The following CORO7 variants were observed in gnomAD, a reference collection of about 807,000 sequenced individuals.
CORO7 encodes the protein coronin-7.
CORO7 carries 107 observed loss-of-function variants against 126.6 expected under a neutral mutation model. That is an observed-to-expected ratio of 0.85 (90% CI 0.72 to 0.99). The LOEUF is 0.99. Among genes scored for constraint, CORO7 ranks in the 50% least tolerant of loss-of-function variants. The pLI is 0.00. For missense variants in CORO7, 1,314 were observed against 1,255.8 expected (o/e 1.05, Z -0.70); for synonymous variants, 603 against 536.8 (o/e 1.12, Z -1.70).
intron 3 of CORO7, among the ~76,000 whole-genome samples, chr16:4,410,844 T>C (rs533721283): frequency 1.8e-4 from 28 of 152,324 alleles, no homozygotes; most frequent in African/African-American, 6.5e-4. Context: ...CCACAGACTA[T>C]ACATCAATGA....
At chr16:4,389,591 C>T (rs954137208) in intron 7 of CORO7, among the ~76,000 whole-genome samples, 2 of 152,200 alleles carry the variant, frequency 1.3e-5, no homozygotes, top group Non-Finnish European at 2.9e-5. Flanking sequence ...CTCCAGGTCC[C>T]GTCCTTCGAG....
intron 6 of CORO7, 118 bp from the exon 7 acceptor site, chr16:4,395,457 G>A (rs2055549960): frequency 3.7e-6 from 5 of 1,362,694 alleles, no homozygotes; most frequent in Non-Finnish European, 5.1e-6. Context: ...CAGCACGCAG[G>A]GCTGCCATCA....
intron 9 of CORO7, chr16:4,381,297 G>T: frequency 6.2e-7 from 1 of 1,612,358 alleles, no homozygotes; most frequent in South Asian, 1.1e-5. Context: ...GCCACATCCA[G>T]CCTGGTGCCT....
At chr16:4,408,111 C>T (rs754515366) in intron 4 of CORO7, 70 bp downstream of exon 4, 76 of 1,608,528 alleles carry the variant, frequency 4.7e-5, no homozygotes, top group Non-Finnish European at 6.1e-5. Context: ...GTGGGGATGG[C>T]GCTGGGGCTC....
intron 7 of CORO7, 33 bp downstream of exon 7, chr16:4,395,256 T>G (rs759334352): frequency 6.2e-7 from 1 of 1,613,834 alleles, no homozygotes; most frequent in South Asian, 1.1e-5. Context: ...CAGTGGAGGC[T>G]TCAACCCACC....
chr16:4,383,128 G>A, intron 9 of CORO7: 3 of 536,496 alleles, frequency 5.6e-6, no homozygotes, highest in Middle Eastern at 1.0e-3. Context: ...GTGCCTATGA[G>A]GACAGTGTCC....
chr16:4,361,779 C>G, intron 16 of CORO7: 1 of 921,602 alleles, frequency 1.1e-6, no homozygotes, highest in Non-Finnish European at 1.7e-6. Context: ...GGTCACTAAA[C>G]CTCTCTGTGC....
In CORO7 at chr16:4,355,325, G is replaced by T. The variant is rs574842062; in HGVS notation, c.2733C>A (p.Leu911=). The change falls in exon 27 of 28, where the codon CTC becomes CTA. Residue 911 remains leucine, a synonymous_variant. Coordinates refer to ENST00000251166, the MANE Select transcript of CORO7 (RefSeq NM_024535.5). The part of the protein sequence containing the change: ...VAKLGNREDP[L]PQDSFEGVDE... ...CCACGCCTTCAAAGGAGTCCTGGGG[G>T]AGTGGGTCCTCCCGGTTCCCCAGTT... 3.7e-6 allele frequency: 6 copies of T among 1,613,156 alleles called. No individual in the cohort carries two copies. The highest frequency in any genetic ancestry group is 5.1e-6 in the Non-Finnish European group (6 of 1,179,978).
intron 8 of CORO7, 27 bp from the exon 9 acceptor site, chr16:4,388,095 A>C: frequency 6.2e-7 from 1 of 1,601,120 alleles, no homozygotes; most frequent in Non-Finnish European, 8.5e-7. Flanking sequence ...AGAGGGGCTC[A>C]GAGGGGCCTG....
intron 26 of CORO7, 43 bp from the exon 27 acceptor site, chr16:4,355,415 TC>T: frequency 1.9e-6 from 3 of 1,555,396 alleles, no homozygotes; most frequent in Non-Finnish European, 2.6e-6. Context: ...GGAATAGGAC[TC>T]CCTGTTCCCT....
At chr16:4,416,328 G>T (rs915775760) in intron 1 of CORO7, 131 bp downstream of exon 1, 8 of 1,280,716 alleles carry the variant, frequency 6.2e-6, no homozygotes, top group Middle Eastern at 2.8e-4. Flanking sequence ...GGCCTGAAGG[G>T]GGGTTCCCCG....
In CORO7 at chr16:4,364,417, C is replaced by A; in HGVS notation, c.1138-4G>T. 6.7e-7 allele frequency: 1 copy of A among 1,500,422 alleles called. No homozygotes were observed. Among genetic ancestry groups the A allele is most frequent in the Non-Finnish European group, 8.9e-7 (1 of 1,127,080 alleles). The allele number at this position is 1,500,422 out of a possible 1,614,324, so 92.9% of individuals were successfully genotyped here. The stretch of plus-strand genomic sequence containing the variant: ...GGTTGAGGCTGACCTTCTGCACCTG[C>A]ATGGAGGCCGGCAGTGGGGAGATGG... On this transcript the variant is annotated splice_polypyrimidine_tract_variant and splice_region_variant and intron_variant, in intron 13 of 27. Transcript: ENST00000251166.
chr16:4,397,058 T>G (rs973093204), intron 6 of CORO7, among the ~76,000 whole-genome samples: 3 of 151,240 alleles, frequency 2.0e-5, no homozygotes, highest in African/African-American at 7.3e-5. Context: ...ACAACATCAT[T>G]TGCACCAGTA....
intron 6 of CORO7, among the ~76,000 whole-genome samples, chr16:4,398,773 G>C (rs894546288): frequency 3.3e-5 from 5 of 151,684 alleles, no homozygotes; most frequent in African/African-American, 1.2e-4. Context: ...TTCAAGACCA[G>C]TGTGGCCAAC....
chr16:4,374,068 G>C (rs1046623535), intron 9 of CORO7, among the ~76,000 whole-genome samples: 1 of 150,044 alleles, frequency 6.7e-6, no homozygotes, highest in Non-Finnish European at 1.5e-5. Context: ...TGAGTTCTTG[G>C]AGAAGGGGGA....
chr16:4,413,301 T>C lies in CORO7; in HGVS notation c.157+7A>G, dbSNP rs1183062832. Reference sequence around the variant, plus strand: ...AGCAAATATCCACACTCATGGCCATTCCCTACCAGGACGGTCGGAGTTGAA... The same window carrying C: ...AGCAAATATCCACACTCATGGCCATCCCCTACCAGGACGGTCGGAGTTGAA... On this transcript the variant is annotated splice_region_variant and intron_variant, in intron 2 of 27. Transcript: ENST00000251166. 27 of 1,569,550 alleles carry C rather than the reference T, an allele frequency of 1.7e-5. No individual in the cohort carries two copies. The highest frequency in any genetic ancestry group is 2.3e-5 in the Non-Finnish European group (27 of 1,155,878).
chr16:4,360,931 C>T lies in CORO7; in HGVS notation c.1917+12G>A, dbSNP rs1395325850. 3 of 1,608,968 alleles carry T rather than the reference C, an allele frequency of 1.9e-6. No homozygotes were observed. Among genetic ancestry groups the T allele is most frequent in the Non-Finnish European group, 2.5e-6 (3 of 1,179,916 alleles). On this transcript the variant is annotated intron_variant, in intron 19 of 27. Coordinates refer to ENST00000251166, the MANE Select transcript of CORO7 (RefSeq NM_024535.5). The stretch of plus-strand genomic sequence containing the variant: ...CTCCACACTGCTGGCCCCACCTCTG[C>T]AGCCGTCCTACCTGGTCTTGGTGGC...
At chr16:4,397,749 G>C (rs1395091807) in intron 6 of CORO7, among the ~76,000 whole-genome samples, 1 of 151,988 alleles carries the variant, frequency 6.6e-6, no homozygotes, top group Non-Finnish European at 1.5e-5. Flanking sequence ...GAGTAGCTGG[G>C]ATTACAGGTG....
At chr16:4,391,326 C>T (rs1247590971) in intron 7 of CORO7, among the ~76,000 whole-genome samples, 2 of 152,256 alleles carry the variant, frequency 1.3e-5, no homozygotes, top group African/African-American at 2.4e-5. Flanking sequence ...GAGGCCGAGG[C>T]GGGTGGATCA....
Sources: gnomAD v4.1 joint callset for allele counts (sites outside exome capture counted in the v4.1 genomes callset) on GRCh38, gnomAD v4.1.1 for gene constraint, MANE v1.5 for transcripts, NCBI Gene and HGNC (gene_info 2026-07-23, HGNC 2026-07-21) for gene names.